Variants in RABIF observed in about 807,000 individuals in gnomAD.
RABIF encodes the protein guanine nucleotide exchange factor MSS4.
In RABIF, 13 loss-of-function variants were observed where a neutral mutation model predicts 12.3. The ratio of observed to expected loss-of-function variants is 1.06; its 90% CI spans 0.69 to 1.68. RABIF has a LOEUF of 1.68. Among genes scored for constraint, RABIF ranks in the 40% most tolerant of loss-of-function variants. The pLI, the probability that RABIF is intolerant of heterozygous loss-of-function variation, is 0.00. For missense variants in RABIF, 153 were observed against 158.0 expected, an observed-to-expected ratio of 0.97 and a Z score of 0.17; for synonymous variants, 70 against 63.3, an observed-to-expected ratio of 1.11 and a Z score of -0.50.
In RABIF at chr1:202,889,081, C is replaced by G. The variant is rs140334208; in HGVS notation, c.18G>C (p.Gln6His). The G allele has an allele frequency of 1.7e-5, 28 of 1,608,002 alleles. No homozygotes were observed. The Admixed American group carries it at 3.2e-4, about 18-fold the overall frequency. MEPAEQPSELVSAEGR... is the reference protein window; with the variant it reads MEPAEHPSELVSAEGR... ...CCTCGGCTGACACTAACTCGCTCGG[C>G]TGCTCCGCTGGTTCCATCGCCGCTG... Residue 6 changes from glutamine (Q) to histidine (H), a missense_variant, in exon 1 of 2, where the codon CAG (glutamine) becomes CAC (histidine). Around this residue, in one of 2 missense-constraint regions of RABIF, gnomAD observed 113 missense variants for 90.9 expected, o/e 1.24. Transcript: ENST00000367262.
At chr1:202,888,481 T>C (rs1244667431) in intron 1 of RABIF, among the ~76,000 whole-genome samples, 1 of 152,122 alleles carries the variant, frequency 6.6e-6, no homozygotes, top group African/African-American at 2.4e-5. Flanking sequence ...AGCAGATAGG[T>C]GCCCGTCATA....
rs1442637481 is a variant in RABIF at position 202,879,388 on chromosome 1, G to C, written c.*1590C>G. On this transcript the variant is annotated 3_prime_UTR_variant, in exon 2 of 2. Coordinates refer to ENST00000367262, the MANE Select transcript of RABIF (RefSeq NM_002871.5). Reference sequence around the variant, plus strand: ...AATAGAGATGGGGTCTCACTATGTTGCCCAGGCTAGTCTCAAACTCAATTT... The same window carrying C: ...AATAGAGATGGGGTCTCACTATGTTCCCCAGGCTAGTCTCAAACTCAATTT... 1 of 152,236 alleles carries C rather than the reference G, an allele frequency of 6.6e-6. No individual in the cohort carries two copies. The highest frequency in any genetic ancestry group is 6.5e-5 in the Admixed American group (1 of 15,280). The allele number at this position is 152,236 out of a possible 1,614,324, so 9.4% of individuals were successfully genotyped here.
rs1204667574 is a variant in RABIF, at chr1:202,881,203, T to C, written c.147A>G (p.Arg49=). Residue 49 remains arginine, a synonymous_variant, in exon 2 of 2, where the codon AGA becomes AGG. Coordinates refer to ENST00000367262, the MANE Select transcript of RABIF (RefSeq NM_002871.5). ...TGCCGTCAGACAGAGCTGGCTTCTT[T>C]CTCATGGAGGGAAGGAAAAGCTGCA... ...SRRQLFLPSM[R]KKPALSDGSN... is the part of the protein sequence containing the mutation. 1.9e-6 allele frequency: 3 copies of C among 1,612,758 alleles called. No individual in the cohort carries two copies. The highest frequency in any genetic ancestry group is 2.2e-5 in the East Asian group (1 of 44,868).
Position 202,879,814 on chromosome 1 carries a change from C to T in RABIF, c.*1164G>A, listed in dbSNP as rs979741189. The T allele has an allele frequency of 1.3e-5, 2 of 152,182 alleles. No homozygotes were observed. The highest frequency in any genetic ancestry group is 2.9e-5 in the Non-Finnish European group (2 of 68,032). 9.4% of individuals were successfully genotyped at this position (152,182 alleles called of 1,614,324 possible). A position where few individuals can be genotyped will look rare whatever the true frequency, so the allele number is the denominator to read the frequency against. On this transcript the variant is annotated 3_prime_UTR_variant, in exon 2 of 2. Transcript: ENST00000367262. The stretch of plus-strand genomic sequence containing the variant: ...GCCTCCTGAATAGTAGAGGTGGTGA[C>T]AGGAGGATACCTGAAACCTTGGTTA...
At chr1:202,885,503 C>CA (rs1182553583) in intron 1 of RABIF, among the ~76,000 whole-genome samples, 2 of 152,254 alleles carry the variant, frequency 1.3e-5, no homozygotes, top group Non-Finnish European at 2.9e-5. Context: ...AGATGAGTAA[C>CA]AGCCCTGCTG....
rs1659472780 is a variant in RABIF at position 202,880,546 on chromosome 1, T to C, written c.*432A>G. On this transcript the variant is annotated 3_prime_UTR_variant, in exon 2 of 2. Transcript: ENST00000367262. ...CAACAAAGTCACTCTCAGATATTTG[T>C]ATGCCTTCTTGAATGAGAAAAAGGC... The C allele has an allele frequency of 3.5e-6, 1 of 286,722 alleles. No homozygotes were observed. The highest frequency in any genetic ancestry group is 1.3e-4 in the South Asian group (1 of 7,604). The allele number at this position is 286,722 out of a possible 1,614,324, so 17.8% of individuals were successfully genotyped here.
chr1:202,884,049 G>A (rs1394119795), intron 1 of RABIF, among the ~76,000 whole-genome samples: 1 of 152,084 alleles, frequency 6.6e-6, no homozygotes, highest in African/African-American at 2.4e-5. Flanking sequence ...GTAATTTGAG[G>A]CAAACTCAAC....
chr1:202,886,745 CT>C (rs71142572), intron 1 of RABIF, among the ~76,000 whole-genome samples: 36 of 147,628 alleles, frequency 2.4e-4, no homozygotes, highest in African/African-American at 4.5e-4. Context: ...TTTCTTTTTT[CT>C]TTTTTTTTTT....
chr1:202,888,202 G>A (rs755409060), intron 1 of RABIF, among the ~76,000 whole-genome samples: 7 of 152,000 alleles, frequency 4.6e-5, no homozygotes, highest in Non-Finnish European at 1.0e-4. Context: ...CATTATATTT[G>A]CACTTCAACA....
In RABIF at chr1:202,879,047, G is replaced by A. The variant is rs1218561334; in HGVS notation, c.*1931C>T. On this transcript the variant is annotated 3_prime_UTR_variant, in exon 2 of 2. Transcript: ENST00000367262. ...ATTTTTGGCTACTAGGGCAACATTTGGCAGTTCTCAAAAAAGGAAATAGAA... is the reference window on the plus strand; with the variant it reads ...ATTTTTGGCTACTAGGGCAACATTTAGCAGTTCTCAAAAAAGGAAATAGAA... 2 of 152,132 alleles carry A rather than the reference G, an allele frequency of 1.3e-5. No individual in the cohort carries two copies. Among genetic ancestry groups the A allele is most frequent in the Non-Finnish European group, 2.9e-5 (2 of 68,034 alleles). The allele number at this position is 152,132 out of a possible 1,614,324, so 9.4% of individuals were successfully genotyped here.
chr1:202,888,855 A>T, intron 1 of RABIF, 118 bp downstream of exon 1: 1 of 1,375,562 alleles, frequency 7.3e-7, no homozygotes. Context: ...GGCGGGGCTT[A>T]AGGCCGCGCG....
At chr1:202,885,704 TAATA>T (rs1210838223) in intron 1 of RABIF, among the ~76,000 whole-genome samples, 1 of 152,260 alleles carries the variant, frequency 6.6e-6, no homozygotes, top group Non-Finnish European at 1.5e-5. Flanking sequence ...GGGAAAGGAC[TAATA>T]AATAACTGGT....
At position 202,881,118 on chromosome 1, in the gene RABIF, C is replaced by T; in HGVS notation, c.232G>A (p.Glu78Lys). The T allele has an allele frequency of 1.9e-6, 3 of 1,614,192 alleles. No homozygotes were observed. The highest frequency in any genetic ancestry group is 2.5e-6 in the Non-Finnish European group (3 of 1,180,046). ...ACGTCCTTGGTGAAGCCCACATTCT[C>T]AAAAATGAACATGTCCTCAACCAGC... is the stretch of plus-strand genomic sequence containing the variant. ...HWLVEDMFIF[E>K]NVGFTKDVGN... Residue 78 changes from glutamate to lysine, a missense_variant, in exon 2 of 2, where the codon GAG becomes AAG. Transcript: ENST00000367262.
chr1:202,888,424 A>T (rs1395932457), intron 1 of RABIF, among the ~76,000 whole-genome samples: 1 of 152,178 alleles, frequency 6.6e-6, no homozygotes, highest in African/African-American at 2.4e-5. Flanking sequence ...TACCAGGGTT[A>T]TTTTGCCGCG....
Position 202,880,920 on chromosome 1 carries a change from A to G in RABIF, c.*58T>C. 6.3e-7 allele frequency: 1 copy of G among 1,593,120 alleles called. No individual in the cohort carries two copies. Among genetic ancestry groups the G allele is most frequent in the East Asian group, 2.2e-5 (1 of 44,662 alleles). On this transcript the variant is annotated 3_prime_UTR_variant, in exon 2 of 2. Transcript: ENST00000367262. ...GAACAGTTATACCACATTAAAGGCC[A>G]GTTCTTGTGGGGAGTAGGTTTATCT...
At chr1:202,881,494 T>C (rs1047718955) in intron 1 of RABIF, among the ~76,000 whole-genome samples, 17 of 152,012 alleles carry the variant, frequency 1.1e-4, no homozygotes, top group African/African-American at 3.9e-4. Flanking sequence ...CTCCGCCTCC[T>C]GGGTTCACGC....
At chr1:202,884,546 G>A (rs1659532322) in intron 1 of RABIF, among the ~76,000 whole-genome samples, 1 of 152,168 alleles carries the variant, frequency 6.6e-6, no homozygotes, top group African/African-American at 2.4e-5. Context: ...CTTGTGCGGG[G>A]AGCCTTCAGC....
Position 202,880,981 on chromosome 1 carries a change from C to T in RABIF, c.369G>A (p.Glu123=), listed in dbSNP as rs201692118. 36 of 1,614,024 alleles carry T rather than the reference C, an allele frequency of 2.2e-5. No homozygotes were observed. The highest frequency in any genetic ancestry group is 2.6e-5 in the Non-Finnish European group (31 of 1,179,890). ...FYVALERVSH[E] ...AGCTGAGTACCCCTCCCCTCAGTTA[C>T]TCATGGGAAACTCGTTCCAAGGCCA... is the stretch of plus-strand genomic sequence containing the variant. The change falls in exon 2 of 2, where the codon GAG becomes GAA. Residue 123 remains glutamate (E), a synonymous_variant. Transcript: ENST00000367262.
rs1446338226 is a variant in RABIF, at chr1:202,879,062, A to C, written c.*1916T>G. 6.6e-6 allele frequency: 1 copy of C among 152,250 alleles called. No individual in the cohort carries two copies. Among genetic ancestry groups the C allele is most frequent in the African/African-American group, 2.4e-5 (1 of 41,478 alleles). 9.4% of individuals were successfully genotyped at this position (152,250 alleles called of 1,614,324 possible). On this transcript the variant is annotated 3_prime_UTR_variant, in exon 2 of 2. Coordinates refer to ENST00000367262, the MANE Select transcript of RABIF (RefSeq NM_002871.5). ...GGCAACATTTGGCAGTTCTCAAAAA[A>C]GGAAATAGAAATGACCGATACGTAT...
Sources: gnomAD v4.1 joint callset for allele counts (sites outside exome capture counted in the v4.1 genomes callset) on GRCh38, gnomAD v4.1.1 for gene constraint, gnomAD v4.1.1 regional missense constraint, MANE v1.5 for transcripts, NCBI Gene and HGNC (gene_info 2026-07-23, HGNC 2026-07-21) for gene names.